Variants in HERC4 observed in about 807,000 individuals in gnomAD.
HERC4 encodes probable E3 ubiquitin-protein ligase HERC4.
In HERC4, 28 loss-of-function variants were observed where a neutral mutation model predicts 124.3. The ratio of observed to expected loss-of-function variants is 0.23; its 90% CI spans 0.17 to 0.31. The LOEUF (loss-of-function observed/expected upper bound fraction) is 0.31. HERC4 is among the 10% of genes least tolerant of loss of function. HERC4 has a pLI of 1.00. For missense variants in HERC4, 713 were observed against 1,229.3 expected, an observed-to-expected ratio of 0.58 and a Z score of 6.28; for synonymous variants, 407 against 421.5, an observed-to-expected ratio of 0.97 and a Z score of 0.42.
rs901906835 is a variant in HERC4 at position 67,955,150 on chromosome 10, C to T, written c.2026-20G>A. The T allele has an allele frequency of 1.9e-6, 3 of 1,567,074 alleles. No homozygotes were observed. Among genetic ancestry groups the T allele is most frequent in the Admixed American group, 4.1e-5 (2 of 48,318 alleles). On this transcript the variant is annotated intron_variant, in intron 17 of 24. Coordinates refer to ENST00000373700, the MANE Select transcript of HERC4 (RefSeq NM_015601.4). ...AGCCATCTGGAAAACAAAAGATTAA[C>T]ATTTTAACAGCAATGCTACAATAAA...
intron 19 of HERC4, among the ~76,000 whole-genome samples, chr10:67,950,344 C>T (rs1162884020): frequency 1.3e-5 from 2 of 151,542 alleles, no homozygotes; most frequent in East Asian, 2.0e-4. Flanking sequence ...GGCATGATCT[C>T]GGCTCACTGC....
intron 24 of HERC4, among the ~76,000 whole-genome samples, chr10:67,923,396 T>C (rs909533608): frequency 6.6e-6 from 1 of 152,230 alleles, no homozygotes; most frequent in Non-Finnish European, 1.5e-5. Flanking sequence ...AGTGAGTATT[T>C]TGCCATTGCC....
chr10:67,995,034 A>G, intron 9 of HERC4: 1 of 245,006 alleles, frequency 4.1e-6, no homozygotes, highest in South Asian at 4.5e-5. Flanking sequence ...TGAGAAACCT[A>G]GTCATTTGTC....
chr10:68,001,040 A>G (rs140817174), intron 9 of HERC4, among the ~76,000 whole-genome samples: 128 of 152,236 alleles, frequency 8.4e-4, no homozygotes, highest in African/African-American at 3.0e-3. Flanking sequence ...GGGAGATAAT[A>G]ATCACTAAAC....
At chr10:67,956,853 A>G (rs902468656) in intron 17 of HERC4, 25 bp downstream of exon 17, 1 of 1,426,608 alleles carries the variant, frequency 7.0e-7, no homozygotes, top group African/African-American at 1.4e-5. Context: ...ATTAAAAAAA[A>G]AAACCCTCTC....
chr10:68,031,164 A>G (rs2039182575), intron 7 of HERC4, among the ~76,000 whole-genome samples: 1 of 152,216 alleles, frequency 6.6e-6, no homozygotes, highest in Admixed American at 6.5e-5. Context: ...TGAGAGAAGA[A>G]TACAAAAGAT....
intron 9 of HERC4, chr10:67,993,520 T>C (rs2132808136): frequency 7.0e-6 from 1 of 143,672 alleles, no homozygotes; most frequent in South Asian, 2.3e-4. Flanking sequence ...GCAAGACCCA[T>C]CTCTAAAAAA....
intron 4 of HERC4, among the ~76,000 whole-genome samples, chr10:68,043,735 G>C (rs1029099279): frequency 2.0e-5 from 3 of 152,098 alleles, no homozygotes; most frequent in African/African-American, 2.4e-5. Flanking sequence ...TGAATCGCTT[G>C]AAACCAGGAG....
intron 6 of HERC4, among the ~76,000 whole-genome samples, chr10:68,033,224 G>GA (rs34940978): frequency 9.4e-4 from 142 of 150,590 alleles, no homozygotes; most frequent in African/African-American, 3.0e-3. Context: ...TAAAAGCCTG[G>GA]AAAAAAAAAT....
chr10:68,051,765 C>A (rs1460640284), intron 3 of HERC4, among the ~76,000 whole-genome samples: 2 of 151,068 alleles, frequency 1.3e-5, no homozygotes, highest in Non-Finnish European at 2.9e-5. Flanking sequence ...TCTCGGCTCA[C>A]TGCAACCCCG....
At chr10:67,997,933 C>T (rs868400820) in intron 9 of HERC4, among the ~76,000 whole-genome samples, 4 of 152,046 alleles carry the variant, frequency 2.6e-5, no homozygotes, top group South Asian at 2.1e-4. Context: ...GACAAAGTCT[C>T]GCTCTGTCGC....
At chr10:68,026,667 C>T (rs560875279) in intron 7 of HERC4, among the ~76,000 whole-genome samples, 37 of 151,974 alleles carry the variant, frequency 2.4e-4, no homozygotes, top group South Asian at 1.2e-3. Flanking sequence ...AAAGGTGAAA[C>T]CCTGTCACTA....
chr10:68,006,065 A>G (rs546267383), intron 9 of HERC4, among the ~76,000 whole-genome samples: 10 of 152,300 alleles, frequency 6.6e-5, no homozygotes, highest in African/African-American at 2.4e-4. Flanking sequence ...TAAAAACTTT[A>G]CACTTTATCA....
chr10:68,029,437 G>A (rs117012037), intron 7 of HERC4, among the ~76,000 whole-genome samples: 14,160 of 151,558 alleles, frequency 0.093, 887 homozygotes, highest in Middle Eastern at 0.18. Flanking sequence ...CGTTACAGTG[G>A]GCCGAGATCG....
At chr10:67,990,425 C>G (rs750732816) in intron 13 of HERC4, 25 bp from the exon 14 acceptor site, 1 of 1,242,710 alleles carries the variant, frequency 8.0e-7, no homozygotes, top group Non-Finnish European at 1.1e-6. Flanking sequence ...AAAGTAAAAC[C>G]TACTTCATTT....
intron 24 of HERC4, 58 bp from the exon 25 acceptor site, chr10:67,923,197 G>C (rs1436943793): frequency 8.0e-7 from 1 of 1,255,108 alleles, no homozygotes; most frequent in Non-Finnish European, 1.2e-6. Flanking sequence ...ACAGTAGCAA[G>C]TAATATTTGG....
intron 3 of HERC4, among the ~76,000 whole-genome samples, chr10:68,049,906 CAAAACAA>C (rs2040211695): frequency 6.6e-6 from 1 of 151,620 alleles, no homozygotes; most frequent in Non-Finnish European, 1.5e-5. Context: ...AAGACGGTCT[CAAAACAA>C]AAAACAAACA....
intron 17 of HERC4, chr10:67,956,603 G>A (rs769339794): frequency 9.3e-6 from 2 of 215,962 alleles, no homozygotes; most frequent in East Asian, 9.6e-5. Context: ...CTAGTAAAAC[G>A]GTTTATAAAG....
At chr10:68,045,989 A>G (rs2039994609) in intron 3 of HERC4, among the ~76,000 whole-genome samples, 1 of 152,218 alleles carries the variant, frequency 6.6e-6, no homozygotes, top group South Asian at 2.1e-4. Flanking sequence ...CTAATGATGT[A>G]TTAAGTACTT....
Sources: allele counts gnomAD v4.1 joint callset (sites outside exome capture counted in the v4.1 genomes callset), GRCh38; gene constraint gnomAD v4.1.1; transcripts MANE v1.5; gene names NCBI Gene and HGNC (gene_info 2026-07-23, HGNC 2026-07-21).